Variants in SHOC1 observed in about 807,000 individuals in gnomAD.
SHOC1 encodes shortage in chiasmata 1.
SHOC1 carries 136 observed loss-of-function variants against 179.2 expected under a neutral mutation model. The ratio of observed to expected loss-of-function variants is 0.76; its 90% CI spans 0.66 to 0.87. The LOEUF (loss-of-function observed/expected upper bound fraction) is 0.87. SHOC1 is among the 40% of genes least tolerant of loss of function. The pLI, the probability that SHOC1 is intolerant of heterozygous loss-of-function variation, is 0.00. For synonymous variants in SHOC1, 489 were observed against 586.6 expected, an observed-to-expected ratio of 0.83 and a Z score of 2.41; for missense variants, 1,538 against 1,700.8, an observed-to-expected ratio of 0.90 and a Z score of 1.68.
At chr9:111,791,580 A>G (rs1257673207) in intron 1 of SHOC1, 126 bp from the exon 2 acceptor site, 10 of 390,488 alleles carry the variant, frequency 2.6e-5, no homozygotes, top group Non-Finnish European at 4.1e-5. Flanking sequence ...TGGTAAAAAT[A>G]ATATACATTA....
chr9:111,713,225 GT>G, intron 17 of SHOC1, 53 bp from the exon 18 acceptor site: 1 of 956,564 alleles, frequency 1.0e-6, no homozygotes, highest in East Asian at 2.7e-5. Context: ...CTTTTTCACA[GT>G]TTTGATACAG....
intron 24 of SHOC1, among the ~76,000 whole-genome samples, chr9:111,697,761 C>T (rs1229231228): frequency 6.6e-6 from 1 of 152,182 alleles, no homozygotes; most frequent in Non-Finnish European, 1.5e-5. Context: ...CTAGAGGAAT[C>T]GCCACACTGT....
At chr9:111,778,990 TCAGGAGGCTGATGTA>T (rs1214451873) in intron 4 of SHOC1, among the ~76,000 whole-genome samples, 13 of 151,124 alleles carry the variant, frequency 8.6e-5, no homozygotes, top group African/African-American at 3.2e-4. Context: ...TTCCGGCTAC[TCAGGAGGCTGATGTA>T]CAAGAATCAC....
rs183688647 is a variant in SHOC1, at chr9:111,748,417, A to C, written c.863-218T>G. 2.6e-5 allele frequency among the ~76,000 whole-genome samples: 4 copies of C among 152,304 alleles called. No individual in the cohort carries two copies. In the East Asian group the frequency reaches 7.7e-4, roughly 29 times the overall value. ...CACTCCTTGTTGCCCTTCAACTGTC[A>C]ATCAGAATTACCCAAGGAAAATAAA... On this transcript the variant is annotated intron_variant, in intron 8 of 27. Coordinates refer to ENST00000682961, the MANE Select transcript of SHOC1 (RefSeq NM_001378211.1).
intron 22 of SHOC1, among the ~76,000 whole-genome samples, chr9:111,703,399 G>T (rs12005302): frequency 0.056 from 8,516 of 152,058 alleles, 593 homozygotes; most frequent in African/African-American, 0.16. Flanking sequence ...ATTCACCCAA[G>T]AATTTATACA....
chr9:111,724,707 A>C (rs1043393843), intron 13 of SHOC1, among the ~76,000 whole-genome samples: 3 of 152,040 alleles, frequency 2.0e-5, no homozygotes, highest in African/African-American at 7.2e-5. Context: ...AAAAAAAGTC[A>C]TATATAACTG....
chr9:111,740,304 A>C (rs1348828128), intron 11 of SHOC1, among the ~76,000 whole-genome samples: 1 of 152,220 alleles, frequency 6.6e-6, no homozygotes, highest in Non-Finnish European at 1.5e-5. Flanking sequence ...AAAGTCTCCA[A>C]GGTTTAATAG....
At chr9:111,747,660 A>G (rs1834355058) in intron 9 of SHOC1, among the ~76,000 whole-genome samples, 1 of 151,832 alleles carries the variant, frequency 6.6e-6, no homozygotes, top group African/African-American at 2.4e-5. Context: ...GGCTCACTAC[A>G]ACCTCCACCT....
chr9:111,689,619 A>C (rs1406217163), intron 27 of SHOC1, among the ~76,000 whole-genome samples: 1 of 99,596 alleles, frequency 1.0e-5, no homozygotes, highest in Non-Finnish European at 1.9e-5. Flanking sequence ...TTTTTAATTT[A>C]AATAAAATTT....
chr9:111,703,210 A>G (rs1039853318), intron 22 of SHOC1, among the ~76,000 whole-genome samples: 3 of 152,192 alleles, frequency 2.0e-5, no homozygotes, highest in Non-Finnish European at 2.9e-5. Context: ...TCTCTAATAG[A>G]GTTGTGTTTT....
chr9:111,776,170 G>C (rs1835824411), intron 4 of SHOC1, among the ~76,000 whole-genome samples, 195 bp from the exon 5 acceptor site: 1 of 151,328 alleles, frequency 6.6e-6, no homozygotes, highest in South Asian at 2.1e-4. Context: ...TTAAACAATA[G>C]TGGACTAATG....
At chr9:111,759,627 A>G (rs1835049591) in intron 5 of SHOC1, 2 of 941,216 alleles carry the variant, frequency 2.1e-6, no homozygotes, top group Non-Finnish European at 2.5e-6. Context: ...AAAGAAAAAT[A>G]TAAGCTCAGA....
intron 12 of SHOC1, among the ~76,000 whole-genome samples, chr9:111,732,756 G>T (rs1255578385): frequency 9.9e-5 from 15 of 152,164 alleles, no homozygotes; most frequent in Admixed American, 5.2e-4. Flanking sequence ...GACCAGGGGG[G>T]TAGGTTAGTG....
chr9:111,709,425 G>T (rs1309306874), intron 18 of SHOC1, among the ~76,000 whole-genome samples: 1 of 152,098 alleles, frequency 6.6e-6, no homozygotes, highest in African/African-American at 2.4e-5. Flanking sequence ...TAATTACTTG[G>T]TAAGTGCAGT....
chr9:111,728,216 T>G (rs2131439144), intron 12 of SHOC1, among the ~76,000 whole-genome samples, 167 bp from the exon 13 acceptor site: 1 of 152,282 alleles, frequency 6.6e-6, no homozygotes, highest in African/African-American at 2.4e-5. Context: ...TAAAATAAAT[T>G]TTTAAAAAGG....
At chr9:111,718,108 T>A in intron 16 of SHOC1, 76 bp downstream of exon 16, 1 of 1,045,646 alleles carries the variant, frequency 9.6e-7, no homozygotes, top group Non-Finnish European at 1.4e-6. Flanking sequence ...AAGGTGTATC[T>A]TTTTCAGAAA....
Position 111,745,656 on chromosome 9 carries a change from C to T in SHOC1, c.1079+578G>A, listed in dbSNP as rs542442689. ...GAGGGAGGTCTTAGAATGAAACCAA[C>T]CCGGCTGACACTTGGTTCTTTCACT... is the stretch of plus-strand genomic sequence containing the variant. On this transcript the variant is annotated intron_variant, in intron 10 of 27. Transcript: ENST00000682961. Among the ~76,000 whole-genome samples, 166 of 152,282 alleles carry T rather than the reference C, an allele frequency of 1.1e-3. 1 individual carries two copies. Among genetic ancestry groups the T allele is most frequent in the Middle Eastern group, 0.01 (3 of 294 alleles).
intron 24 of SHOC1, among the ~76,000 whole-genome samples, chr9:111,694,613 T>C (rs1485040213): frequency 1.3e-5 from 2 of 152,086 alleles, no homozygotes; most frequent in East Asian, 3.8e-4. Flanking sequence ...TCATTTGGCA[T>C]TTATTAACAG....
At chr9:111,749,129 C>T (rs4145081) in intron 8 of SHOC1, among the ~76,000 whole-genome samples, 78,581 of 151,668 alleles carry the variant, frequency 0.52, 21,729 homozygotes, top group East Asian at 0.87. Flanking sequence ...AAACAACATA[C>T]TCAGTGGTTC....
Sources: allele counts gnomAD v4.1 joint callset (sites outside exome capture counted in the v4.1 genomes callset), GRCh38; gene constraint gnomAD v4.1.1; transcripts MANE v1.5; gene names NCBI Gene and HGNC (gene_info 2026-07-23, HGNC 2026-07-21).